Variants in SCN3A observed in about 807,000 individuals in gnomAD.
SCN3A encodes sodium voltage-gated channel alpha subunit 3.
SCN3A carries 60 observed loss-of-function variants against 187.6 expected under a neutral mutation model. That is an observed-to-expected ratio of 0.32 (90% CI 0.26 to 0.40). The LOEUF (loss-of-function observed/expected upper bound fraction) is 0.40, where lower values mean the gene tolerates loss of function less well. Ranked by LOEUF, SCN3A falls within the 10% of genes least tolerant of loss-of-function variation. The pLI is 1.00. For missense variants in SCN3A, 1,601 were observed against 2,428.2 expected (o/e 0.66, Z 7.16); for synonymous variants, 788 against 829.2 (o/e 0.95, Z 0.85).
chr2:165,095,622 T>G lies in SCN3A; in HGVS notation c.4320A>C (p.Glu1440Asp). The change falls in exon 25 of 28, where the codon GAA (glutamate) becomes GAC (aspartate). Residue 1440 changes from glutamate to aspartate, a missense_variant. Glu to Asp is a conservative substitution (Grantham distance 45). Coordinates refer to ENST00000283254, the MANE Select transcript of SCN3A (RefSeq NM_006922.4). ...CAAAGTATAAATACATGTACAGATT[T>G]TCTTCATATACAGGCTGAAGTTTAA... ...RDVKLQPVYE[E>D]NLYMYLYFVI... 6.7e-7 allele frequency: 1 copy of G among 1,492,066 alleles called. No individual in the cohort carries two copies. Among genetic ancestry groups the G allele is most frequent in the Non-Finnish European group, 9.3e-7 (1 of 1,070,014 alleles). The allele number at this position is 1,492,066 out of a possible 1,614,324, so 92.4% of individuals were successfully genotyped here.
chr2:165,165,616 T>G (rs543139654), intron 5 of SCN3A, among the ~76,000 whole-genome samples: 1 of 152,228 alleles, frequency 6.6e-6, no homozygotes, highest in Non-Finnish European at 1.5e-5. Context: ...TTCAACATTG[T>G]GTTCTTTAAA....
chr2:165,200,363 A>C (rs979768822), intron 1 of SCN3A, among the ~76,000 whole-genome samples: 2 of 152,106 alleles, frequency 1.3e-5, no homozygotes, highest in African/African-American at 4.8e-5. Context: ...TACATAAATG[A>C]AAATCAGAAA....
At chr2:165,171,198 T>C (rs892528522) in intron 3 of SCN3A, among the ~76,000 whole-genome samples, 7 of 151,988 alleles carry the variant, frequency 4.6e-5, no homozygotes, top group Non-Finnish European at 1.0e-4. Context: ...CAAGTGATTA[T>C]TTACCATGTT....
chr2:165,179,299 CATT>C (rs1158448372), intron 2 of SCN3A, among the ~76,000 whole-genome samples: 3 of 152,166 alleles, frequency 2.0e-5, no homozygotes, highest in Non-Finnish European at 4.4e-5. Flanking sequence ...GCCTCAGTAT[CATT>C]GAGGCACCTC....
chr2:165,186,972 A>G (rs938656131), intron 1 of SCN3A, among the ~76,000 whole-genome samples: 6 of 152,180 alleles, frequency 3.9e-5, no homozygotes, highest in South Asian at 4.1e-4. Context: ...GGGTTGGGAC[A>G]GGGGTGCTCC....
At chr2:165,132,079 T>C (rs1211965695) in intron 15 of SCN3A, among the ~76,000 whole-genome samples, 1 of 152,080 alleles carries the variant, frequency 6.6e-6, no homozygotes, top group East Asian at 1.9e-4. Context: ...ACAAGGGACG[T>C]GAAGGACCTC....
Position 165,176,406 on chromosome 2 carries a change from G to A in SCN3A, c.-12C>T. On this transcript the variant is annotated 5_prime_UTR_variant, in exon 3 of 28. Coordinates refer to ENST00000283254, the MANE Select transcript of SCN3A (RefSeq NM_006922.4). ...AGTGCCTGTGCCATCTTTTCATCCT[G>A]CACATTTAATTACGTGTAGCTTCTT... is the stretch of plus-strand genomic sequence containing the variant. 1.2e-6 allele frequency: 2 copies of A among 1,613,886 alleles called. No homozygotes were observed. The highest frequency in any genetic ancestry group is 1.7e-6 in the Non-Finnish European group (2 of 1,179,916).
intron 1 of SCN3A, among the ~76,000 whole-genome samples, chr2:165,198,262 G>T (rs531760163): frequency 2.6e-5 from 4 of 152,018 alleles, no homozygotes; most frequent in Admixed American, 2.0e-4. Flanking sequence ...AAATCAAGAA[G>T]GTAATGCATA....
rs1370782407 is a variant in SCN3A, at chr2:165,128,084, C to T, written c.2940G>A (p.Leu980=). The part of the protein sequence containing the change: ...IGNLVVLNLF[L]ALLLSSFSSD... ...AGCTAAATGAACTCAACAATAAGGCCAGAAAGAGGTTCAGAACCTAAAAGA... is the reference window on the plus strand; with the variant it reads ...AGCTAAATGAACTCAACAATAAGGCTAGAAAGAGGTTCAGAACCTAAAAGA... The change falls in exon 18 of 28, where the codon CTG becomes CTA. Residue 980 remains leucine, a synonymous_variant. Coordinates refer to ENST00000283254, the MANE Select transcript of SCN3A (RefSeq NM_006922.4). 1.7e-5 allele frequency: 27 copies of T among 1,610,862 alleles called. No homozygotes were observed. Among genetic ancestry groups the T allele is most frequent in the Non-Finnish European group, 2.0e-5 (23 of 1,179,356 alleles).
rs544059892 is a variant in SCN3A at position 165,131,674 on chromosome 2, C to A, written c.2392-257G>T. Among the ~76,000 whole-genome samples, 7 of 150,352 alleles carry A rather than the reference C, an allele frequency of 4.7e-5. No individual in the cohort carries two copies. In the East Asian group the frequency reaches 1.4e-3, roughly 30 times the overall value. On this transcript the variant is annotated intron_variant, in intron 15 of 27. Coordinates refer to ENST00000283254, the MANE Select transcript of SCN3A (RefSeq NM_006922.4). The stretch of plus-strand genomic sequence containing the variant: ...GTGCAGGTTAGTTACATATGTATAC[C>A]TGTGCCATGCTGGTGTGCTGCACCC...
At position 165,140,568 on chromosome 2, in the gene SCN3A, G is replaced by T; in HGVS notation, c.2019+83C>A. Reference sequence around the variant, plus strand: ...AACTTTCATTTTGAGGAAGCAGGACGGTATGACAGCCTAAACTGTCCAGGC... The same window carrying T: ...AACTTTCATTTTGAGGAAGCAGGACTGTATGACAGCCTAAACTGTCCAGGC... On this transcript the variant is annotated intron_variant, in intron 13 of 27. Coordinates refer to ENST00000283254, the MANE Select transcript of SCN3A (RefSeq NM_006922.4). The surrounding 1 kb of genome is among the most constrained non-coding windows in gnomAD (Gnocchi z 4.2). 1 of 1,160,502 alleles carries T rather than the reference G, an allele frequency of 8.6e-7. No homozygotes were observed. Among genetic ancestry groups the T allele is most frequent in the East Asian group, 2.4e-5 (1 of 42,412 alleles). 71.9% of individuals were successfully genotyped at this position (1,160,502 alleles called of 1,614,324 possible). A position where few individuals can be genotyped will look rare whatever the true frequency, so the allele number is the denominator to read the frequency against.
chr2:165,180,056 A>T lies in SCN3A; in HGVS notation c.-50-3612T>A, dbSNP rs187235700. 4.6e-5 allele frequency among the ~76,000 whole-genome samples: 7 copies of T among 152,282 alleles called. No homozygotes were observed. The East Asian group carries it at 1.2e-3, about 25-fold the overall frequency. On this transcript the variant is annotated intron_variant, in intron 2 of 27. Transcript: ENST00000283254. ...CTTTGCAAGGACAAAAAAGATACGAAAAAAATCTTAGGAGATGATCTCTTT... is the reference window on the plus strand; with the variant it reads ...CTTTGCAAGGACAAAAAAGATACGATAAAAATCTTAGGAGATGATCTCTTT...
chr2:165,149,027 C>T (rs890187313), intron 11 of SCN3A, among the ~76,000 whole-genome samples: 48 of 152,026 alleles, frequency 3.2e-4, no homozygotes, highest in African/African-American at 1.1e-3. Context: ...AAATAAAGTC[C>T]TTAATTCTCT....
intron 11 of SCN3A, among the ~76,000 whole-genome samples, chr2:165,147,341 G>T (rs1688420522): frequency 6.6e-6 from 1 of 151,246 alleles, no homozygotes; most frequent in African/African-American, 2.4e-5. Context: ...ACTTTAAAAA[G>T]CAAATGTTTT....
chr2:165,168,541 TC>T (rs1689916433), intron 5 of SCN3A, among the ~76,000 whole-genome samples, 194 bp downstream of exon 5: 1 of 152,058 alleles, frequency 6.6e-6, no homozygotes, highest in East Asian at 1.9e-4. Flanking sequence ...ACAGATATTG[TC>T]ATGATTTTGT....
At chr2:165,146,701 A>G in intron 12 of SCN3A, 38 bp downstream of exon 12, 2 of 1,612,026 alleles carry the variant, frequency 1.2e-6, no homozygotes, top group Admixed American at 1.7e-5. Flanking sequence ...AGCAATAGCA[A>G]TGACAAAGAA....
intron 12 of SCN3A, among the ~76,000 whole-genome samples, chr2:165,142,624 A>G (rs1181648728): frequency 6.6e-6 from 1 of 152,196 alleles, no homozygotes; most frequent in Non-Finnish European, 1.5e-5. Context: ...TCATGTGAAG[A>G]CATCAATTCA....
At chr2:165,149,508 A>G (rs374266391) in intron 11 of SCN3A, among the ~76,000 whole-genome samples, 6 of 152,150 alleles carry the variant, frequency 3.9e-5, no homozygotes, top group Admixed American at 2.0e-4. Context: ...ATTATTTCCA[A>G]ACCTATTCTG....
intron 2 of SCN3A, among the ~76,000 whole-genome samples, chr2:165,180,299 T>C (rs1690762026): frequency 6.6e-6 from 1 of 152,208 alleles, no homozygotes; most frequent in African/African-American, 2.4e-5. Context: ...CCATGGTCAC[T>C]TCCCTGGGGC....
Sources: gnomAD v4.1 joint callset for allele counts (sites outside exome capture counted in the v4.1 genomes callset) on GRCh38, gnomAD v4.1.1 for gene constraint, Gnocchi (gnomAD v3.1) non-coding constraint, MANE v1.5 for transcripts, NCBI Gene and HGNC (gene_info 2026-07-23, HGNC 2026-07-21) for gene names.